The following CTIF variants were observed in gnomAD, a reference collection of about 807,000 sequenced individuals.
The protein encoded by CTIF is cap binding complex dependent translation initiation factor, also known as CBP80/20-dependent translation initiation factor.
Under a neutral mutation model 66.0 loss-of-function variants are expected in CTIF, and 21 were observed. The ratio of observed to expected loss-of-function variants is 0.32; its 90% confidence interval spans 0.23 to 0.46. CTIF has a LOEUF of 0.46. Among genes scored for constraint, CTIF ranks in the 20% least tolerant of loss-of-function variants. CTIF has a pLI of 1.00. For missense variants in CTIF, 739 were observed against 812.7 expected (o/e 0.91, Z 1.10); for synonymous variants, 345 against 326.4 (o/e 1.06, Z -0.62).
rs567280077 is a variant in CTIF at position 48,713,728 on chromosome 18, G to A, written c.584+2033G>A. The stretch of plus-strand genomic sequence containing the variant: ...CGTGAAACTCATGAAAGATTTATAC[G>A]GAGAGATGAGGGGCCGCTGCCTCCA... On this transcript the variant is annotated intron_variant, in intron 7 of 11. Transcript: ENST00000256413. 7.9e-5 allele frequency among the ~76,000 whole-genome samples: 12 copies of A among 152,288 alleles called. No individual in the cohort carries two copies. The South Asian group carries it at 8.3e-4, about 11-fold the overall frequency.
chr18:48,717,070 A>T (rs1292792984), intron 7 of CTIF, among the ~76,000 whole-genome samples: 1 of 152,176 alleles, frequency 6.6e-6, no homozygotes, highest in Non-Finnish European at 1.5e-5. Context: ...ATTGACCGTG[A>T]CTGTGATTTG....
intron 6 of CTIF, among the ~76,000 whole-genome samples, chr18:48,690,249 G>A (rs1240719371): frequency 6.6e-6 from 1 of 151,968 alleles, no homozygotes. Context: ...ATCCACTATG[G>A]CTTCCCTAAC....
At chr18:48,744,563 T>G (rs1049857957) in intron 7 of CTIF, among the ~76,000 whole-genome samples, 3 of 152,246 alleles carry the variant, frequency 2.0e-5, no homozygotes, top group African/African-American at 7.2e-5. Flanking sequence ...TACATTTTTT[T>G]CTGACCCGTC....
chr18:48,632,334 G>A (rs2090734106), intron 2 of CTIF, among the ~76,000 whole-genome samples: 1 of 152,160 alleles, frequency 6.6e-6, no homozygotes, highest in African/African-American at 2.4e-5. Flanking sequence ...GTCACACGCA[G>A]GGCCACAGTC....
intron 10 of CTIF, among the ~76,000 whole-genome samples, chr18:48,818,551 A>G (rs544118056): frequency 9.2e-5 from 14 of 152,156 alleles, no homozygotes; most frequent in Non-Finnish European, 1.8e-4. Context: ...TGAAGAGGTC[A>G]CGCATGGAGG....
At chr18:48,657,537 GA>G (rs2091264131) in intron 3 of CTIF, among the ~76,000 whole-genome samples, 1 of 152,294 alleles carries the variant, frequency 6.6e-6, no homozygotes, top group Admixed American at 6.5e-5. Context: ...AGAGCCAGGG[GA>G]TTGGTGCTTC....
intron 1 of CTIF, among the ~76,000 whole-genome samples, chr18:48,568,589 A>G (rs1029391236): frequency 3.6e-5 from 5 of 138,794 alleles, no homozygotes; most frequent in African/African-American, 1.3e-4. Flanking sequence ...GTAATAGTCC[A>G]TTTTTATATC....
At chr18:48,751,098 T>C (rs993727128) in intron 7 of CTIF, among the ~76,000 whole-genome samples, 1 of 152,214 alleles carries the variant, frequency 6.6e-6, no homozygotes. Flanking sequence ...TGTAACTGCT[T>C]CCTACATGCT....
chr18:48,589,440 G>T (rs944224645), intron 1 of CTIF, among the ~76,000 whole-genome samples: 2 of 152,166 alleles, frequency 1.3e-5, no homozygotes, highest in African/African-American at 4.8e-5. Flanking sequence ...AAGGACCCCA[G>T]TCCCTGGATT....
At chr18:48,588,583 C>A (rs1296075677) in intron 1 of CTIF, among the ~76,000 whole-genome samples, 2 of 152,212 alleles carry the variant, frequency 1.3e-5, no homozygotes, top group African/African-American at 4.8e-5. Flanking sequence ...CCTCTCCTGA[C>A]CCCTGCCCCC....
At chr18:48,680,201 G>A (rs1336624328) in intron 6 of CTIF, among the ~76,000 whole-genome samples, 2 of 152,258 alleles carry the variant, frequency 1.3e-5, no homozygotes, top group Non-Finnish European at 2.9e-5. Context: ...AAAGGCTAGA[G>A]CCCTTTAAAA....
At chr18:48,616,871 G>T (rs1387369094) in intron 1 of CTIF, among the ~76,000 whole-genome samples, 1 of 152,214 alleles carries the variant, frequency 6.6e-6, no homozygotes, top group Non-Finnish European at 1.5e-5. Context: ...ATGCTTCCAG[G>T]TGACAGGTTC....
rs563317331 is a variant in CTIF at position 48,602,183 on chromosome 18, G to C, written c.-28-17355G>C. Among the ~76,000 whole-genome samples the C allele has an allele frequency of 1.4e-3, 206 of 152,322 alleles. 1 individual carries two copies. The highest frequency in any genetic ancestry group is 4.8e-3 in the African/African-American group (199 of 41,570). On this transcript the variant is annotated intron_variant, in intron 1 of 11. Transcript: ENST00000256413. Reference sequence around the variant, plus strand: ...GATTAGCCATGTATTGAGTATGAATGTCGTTAAAGGTGTCTACAAAAGGGT... The same window carrying C: ...GATTAGCCATGTATTGAGTATGAATCTCGTTAAAGGTGTCTACAAAAGGGT...
intron 9 of CTIF, among the ~76,000 whole-genome samples, chr18:48,770,228 T>G (rs1909970229): frequency 6.6e-6 from 1 of 152,244 alleles, no homozygotes. Context: ...TGGGTGCTGC[T>G]GCTGTGCCAA....
chr18:48,767,614 T>C (rs4263013), intron 9 of CTIF, among the ~76,000 whole-genome samples: 23,893 of 151,888 alleles, frequency 0.16, 2,053 homozygotes, highest in African/African-American at 0.23. Context: ...ATACCTTTTT[T>C]TGAAAAAAAA....
At chr18:48,640,933 A>T (rs1330722974) in intron 3 of CTIF, among the ~76,000 whole-genome samples, 1 of 152,218 alleles carries the variant, frequency 6.6e-6, no homozygotes, top group African/African-American at 2.4e-5. Flanking sequence ...AGAGAGGAGG[A>T]AGAGAGCCCA....
chr18:48,602,042 A>G (rs1449961387), intron 1 of CTIF, among the ~76,000 whole-genome samples: 1 of 152,230 alleles, frequency 6.6e-6, no homozygotes, highest in African/African-American at 2.4e-5. Context: ...TCGCTGGCAT[A>G]GCACCCTTGC....
chr18:48,770,168 C>T (rs117893593), intron 9 of CTIF, among the ~76,000 whole-genome samples: 2 of 152,316 alleles, frequency 1.3e-5, no homozygotes, highest in East Asian at 3.9e-4. Flanking sequence ...TGGAAAGTGC[C>T]CAGAACAGCA....
chr18:48,641,862 G>A (rs888904027), intron 3 of CTIF, among the ~76,000 whole-genome samples: 1 of 152,160 alleles, frequency 6.6e-6, no homozygotes, highest in African/African-American at 2.4e-5. Context: ...AGCTATATGG[G>A]CACCAACATT....
Sources: allele counts gnomAD v4.1 joint callset (sites outside exome capture counted in the v4.1 genomes callset), GRCh38; gene constraint gnomAD v4.1.1; transcripts MANE v1.5; gene names NCBI Gene and HGNC (gene_info 2026-07-23, HGNC 2026-07-21).